Variants in ASTN2 observed in about 807,000 individuals in gnomAD.
ASTN2 encodes the protein astrotactin 2.
A neutral mutation model predicts 139.8 loss-of-function variants in ASTN2; 54 were observed. The observed-to-expected ratio is 0.39, with a 90% confidence interval of 0.31 to 0.48. ASTN2 has a LOEUF of 0.48. Among genes scored for constraint, ASTN2 ranks in the 20% least tolerant of loss-of-function variants. The pLI, the probability that ASTN2 is intolerant of heterozygous loss-of-function variation, is 0.95. For synonymous variants in ASTN2, 756 were observed against 719.5 expected (o/e 1.05, Z -0.81); for missense variants, 1,565 against 1,725.1 (o/e 0.91, Z 1.64).
intron 5 of ASTN2, among the ~76,000 whole-genome samples, chr9:117,054,000 T>C (rs1838986134): frequency 6.6e-6 from 1 of 150,970 alleles, no homozygotes; most frequent in Non-Finnish European, 1.5e-5. Context: ...GCTTTGCCTT[T>C]AGTGGGGGAA....
At chr9:116,851,829 A>G (rs1418644219) in intron 11 of ASTN2, among the ~76,000 whole-genome samples, 1 of 152,122 alleles carries the variant, frequency 6.6e-6, no homozygotes, top group Non-Finnish European at 1.5e-5. Flanking sequence ...AGCTCTGCAG[A>G]GTAAGTTGAG....
intron 19 of ASTN2, among the ~76,000 whole-genome samples, chr9:116,604,961 C>G (rs1216766224): frequency 6.6e-6 from 1 of 151,850 alleles, no homozygotes; most frequent in East Asian, 1.9e-4. Context: ...ATCAGCAGCT[C>G]ATATCAGAGC....
intron 10 of ASTN2, among the ~76,000 whole-genome samples, chr9:116,927,026 T>G (rs989984658): frequency 4.6e-5 from 7 of 152,208 alleles, no homozygotes; most frequent in Non-Finnish European, 2.9e-5. Context: ...TTAGAAAAAC[T>G]AATTAGCTGG....
At chr9:116,526,855 C>T (rs927491500) in intron 19 of ASTN2, among the ~76,000 whole-genome samples, 7 of 152,080 alleles carry the variant, frequency 4.6e-5, no homozygotes, top group African/African-American at 1.7e-4. Context: ...GACACAAAGA[C>T]CAATGAAACA....
chr9:117,178,198 A>C (rs1349953446), intron 3 of ASTN2, among the ~76,000 whole-genome samples: 4 of 152,268 alleles, frequency 2.6e-5, no homozygotes, highest in South Asian at 2.1e-4. Context: ...ATCCTTCATG[A>C]ATGTTTTTAT....
chr9:117,414,569 G>T lies in ASTN2; in HGVS notation c.370C>A (p.Arg124Ser), dbSNP rs764043939. The change falls in exon 1 of 23, where the codon CGT becomes AGT. Residue 124 changes from arginine to serine, a missense_variant. By Grantham distance (110) the Arg-to-Ser change is moderately radical (BLOSUM62 -1). Transcript: ENST00000313400. This position sits in a 1 kb window ranked among gnomAD's most constrained non-coding sequence, Gnocchi z 4.2. The part of the protein sequence containing the change: ...AAESRLLLFV[R>S]NELPGRIAVQ... ...GCGATGCGCCCCGGCAGCTCGTTACGCACAAAGAGCAGGAGGCGCGACTCG... is the reference window on the plus strand; with the variant it reads ...GCGATGCGCCCCGGCAGCTCGTTACTCACAAAGAGCAGGAGGCGCGACTCG... 2 of 1,600,912 alleles carry T rather than the reference G, an allele frequency of 1.2e-6. No homozygotes were observed. The highest frequency in any genetic ancestry group is 1.7e-5 in the Admixed American group (1 of 59,394).
At chr9:116,777,184 C>T (rs763363104) in intron 13 of ASTN2, among the ~76,000 whole-genome samples, 2 of 152,112 alleles carry the variant, frequency 1.3e-5, no homozygotes, top group Non-Finnish European at 2.9e-5. Flanking sequence ...ACTCTCACCC[C>T]TCTCTCTGGT....
At chr9:116,673,292 C>T (rs1319862221) in intron 16 of ASTN2, among the ~76,000 whole-genome samples, 1 of 152,190 alleles carries the variant, frequency 6.6e-6, no homozygotes, top group Non-Finnish European at 1.5e-5. Context: ...CACCAAGAAC[C>T]TGGACACAAT....
chr9:116,909,770 A>AAAAC (rs1345923945), intron 10 of ASTN2, among the ~76,000 whole-genome samples: 2 of 152,232 alleles, frequency 1.3e-5, no homozygotes, highest in Admixed American at 1.3e-4. Context: ...AGCCAAATTA[A>AAAAC]AAACAAACAA....
At chr9:117,173,292 A>T (rs1830837648) in intron 3 of ASTN2, among the ~76,000 whole-genome samples, 1 of 152,176 alleles carries the variant, frequency 6.6e-6, no homozygotes, top group South Asian at 2.1e-4. Flanking sequence ...TTTGAATGAA[A>T]GATTTTTGCA....
Position 116,597,299 on chromosome 9 carries a change from A to ATTT in ASTN2, c.3355+21022_3355+21024dup, listed in dbSNP as rs757848093. Among the ~76,000 whole-genome samples, 97 of 75,524 alleles carry ATTT rather than the reference A, an allele frequency of 1.3e-3. 8 individuals carry two copies. The highest frequency in any genetic ancestry group is 1.7e-3 in the Non-Finnish European group (69 of 40,934). The allele number at this position is 75,524 out of a possible 152,430, so 49.5% of individuals were successfully genotyped here. ...CAAAATATTCCATGACTTTTGATCT[A>ATTT]TTTTTTTTTTTTTTTTTTTTTTTTG... On this transcript the variant is annotated intron_variant, in intron 19 of 22. Transcript: ENST00000313400.
Position 117,321,261 on chromosome 9 carries a change from C to T in ASTN2, c.443-29748G>A, listed in dbSNP as rs550106636. Among the ~76,000 whole-genome samples the T allele has an allele frequency of 2.0e-4, 31 of 152,322 alleles. No individual in the cohort carries two copies. The South Asian group carries it at 4.3e-3, about 21-fold the overall frequency. On this transcript the variant is annotated intron_variant, in intron 1 of 22. Coordinates refer to ENST00000313400, the MANE Select transcript of ASTN2 (RefSeq NM_001365068.1). Reference sequence around the variant, plus strand: ...AGGTCTGCAGGAAATTATGCAGTGGCATGCCTAGATCAGTACCAGGTTGAG... The same window carrying T: ...AGGTCTGCAGGAAATTATGCAGTGGTATGCCTAGATCAGTACCAGGTTGAG...
chr9:116,462,788 A>ATGTGTGTGTGTGTGTGTGTG (rs55926547), intron 20 of ASTN2, among the ~76,000 whole-genome samples: 27 of 146,188 alleles, frequency 1.8e-4, no homozygotes, highest in African/African-American at 7.0e-4. Context: ...TTGGGTGAGC[A>ATGTGTGTGTGTGTGTGTGTG]TGTGTGTGTG....
intron 13 of ASTN2, among the ~76,000 whole-genome samples, chr9:116,790,970 A>AGAAAGAAAGAAAGAAAAGAAAGAAG (rs1830522033): frequency 2.4e-3 from 63 of 26,638 alleles, no homozygotes; most frequent in Non-Finnish European, 3.7e-3. Flanking sequence ...AAAGAAGGAA[A>AGAAAGAAAGAAAGAAAAGAAAGAAG]GAAAGAAAGA....
chr9:117,040,868 C>G (rs1012365538), intron 5 of ASTN2, among the ~76,000 whole-genome samples: 5 of 152,146 alleles, frequency 3.3e-5, no homozygotes, highest in Non-Finnish European at 7.3e-5. Flanking sequence ...CGGTTAGAAG[C>G]TGATCAGTTC....
intron 2 of ASTN2, among the ~76,000 whole-genome samples, chr9:117,289,397 G>A (rs187534574): frequency 1.3e-5 from 2 of 152,276 alleles, no homozygotes; most frequent in Non-Finnish European, 1.5e-5. Flanking sequence ...TGAACTCACT[G>A]AGCAAAAGGG....
Position 116,699,721 on chromosome 9 carries a change from A to G in ASTN2, c.2806+26050T>C. 6 of 1,614,198 alleles carry G rather than the reference A, an allele frequency of 3.7e-6. No individual in the cohort carries two copies. Among genetic ancestry groups the G allele is most frequent in the Non-Finnish European group, 5.1e-6 (6 of 1,180,036 alleles). Reference sequence around the variant, plus strand: ...ACCCCATAGGGGATGAGAAATTATCAGTTTCTTCTGCTCCCAAGCCAACTT... The same window carrying G: ...ACCCCATAGGGGATGAGAAATTATCGGTTTCTTCTGCTCCCAAGCCAACTT... On this transcript the variant is annotated intron_variant, in intron 16 of 22. Coordinates refer to ENST00000313400, the MANE Select transcript of ASTN2 (RefSeq NM_001365068.1). This position sits in a 1 kb window ranked among gnomAD's most constrained non-coding sequence, Gnocchi z 4.2.
intron 19 of ASTN2, among the ~76,000 whole-genome samples, chr9:116,568,056 A>G: frequency 6.6e-6 from 1 of 152,230 alleles, no homozygotes; most frequent in Non-Finnish European, 1.5e-5. Context: ...TGGAGCTGAA[A>G]CTATAATTCA....
chr9:117,021,432 T>C (rs980363636), intron 6 of ASTN2, among the ~76,000 whole-genome samples: 1 of 152,108 alleles, frequency 6.6e-6, no homozygotes, highest in African/African-American at 2.4e-5. Flanking sequence ...CCAAACCCCA[T>C]GGGGCATTCT....
Sources: allele counts gnomAD v4.1 joint callset (sites outside exome capture counted in the v4.1 genomes callset), GRCh38; gene constraint gnomAD v4.1.1; non-coding constraint Gnocchi (gnomAD v3.1); transcripts MANE v1.5; gene names NCBI Gene and HGNC (gene_info 2026-07-23, HGNC 2026-07-21).